Variants in KAT6B observed in about 807,000 individuals in gnomAD.
KAT6B encodes histone acetyltransferase KAT6B.
In KAT6B, 10 loss-of-function variants were observed where a neutral mutation model predicts 187.5. The ratio of observed to expected loss-of-function variants is 0.05; its 90% CI spans 0.03 to 0.09. The LOEUF is 0.09. Ranked by LOEUF, KAT6B falls within the 10% of genes least tolerant of loss-of-function variation. The pLI is 1.00. For synonymous variants in KAT6B, 861 were observed against 926.8 expected (o/e 0.93, Z 1.29); for missense variants, 1,952 against 2,558.9 (o/e 0.76, Z 5.12).
At chr10:74,957,866 G>A (rs1333981563) in intron 3 of KAT6B, among the ~76,000 whole-genome samples, 2 of 152,196 alleles carry the variant, frequency 1.3e-5, no homozygotes, top group Non-Finnish European at 1.5e-5. Context: ...ATGCAGTGCT[G>A]ATTATCTGGC....
chr10:74,892,901 G>C (rs1167727203), intron 3 of KAT6B, among the ~76,000 whole-genome samples: 1 of 152,206 alleles, frequency 6.6e-6, no homozygotes, highest in African/African-American at 2.4e-5. Flanking sequence ...CCCCCATGTG[G>C]CTGGAGCTGC....
upstream of KAT6B, among the ~76,000 whole-genome samples, chr10:74,825,290 T>G (rs1317897883): frequency 6.6e-6 from 1 of 151,434 alleles, no homozygotes; most frequent in Non-Finnish European, 1.5e-5. The surrounding 1 kb of genome is among the most constrained non-coding windows in gnomAD (Gnocchi z 5.0). Context: ...GGCGTCCCCA[T>G]CCTCCCGCGG....
chr10:74,977,474 AG>A (rs752054101), intron 9 of KAT6B, 37 bp downstream of exon 9: 1 of 1,610,716 alleles, frequency 6.2e-7, no homozygotes, highest in Non-Finnish European at 8.5e-7. Flanking sequence ...AGCAAGTATA[AG>A]ATGTGGCTTC....
At chr10:74,920,154 A>G (rs1174426818) in intron 3 of KAT6B, among the ~76,000 whole-genome samples, 8 of 152,190 alleles carry the variant, frequency 5.3e-5, no homozygotes, top group Admixed American at 2.0e-4. Flanking sequence ...GAATTTTCAT[A>G]TGCTTCTGCC....
rs771163026 is a variant in KAT6B, at chr10:74,837,914, C to T, written c.-328-769C>T. 2.1e-4 allele frequency among the ~76,000 whole-genome samples: 31 copies of T among 149,296 alleles called. 1 individual carries two copies. Among genetic ancestry groups the T allele is most frequent in the Non-Finnish European group, 3.7e-4 (25 of 67,674 alleles). On this transcript the variant is annotated intron_variant, in intron 1 of 17. Coordinates refer to ENST00000287239, the MANE Select transcript of KAT6B (RefSeq NM_012330.4). The stretch of plus-strand genomic sequence containing the variant: ...AAGAGCTGCTGAGTTACATCTGCTT[C>T]TGCCTAATTAACTCTGTTGGTTGGT...
rs376504999 is a variant in KAT6B at position 75,026,857 on chromosome 10, C to T, written c.3664+1608C>T. Among the ~76,000 whole-genome samples, 16 of 152,232 alleles carry T rather than the reference C, an allele frequency of 1.1e-4. No individual in the cohort carries two copies. In the East Asian group the frequency reaches 2.9e-3, roughly 28 times the overall value. Reference sequence around the variant, plus strand: ...GTAGAATAAGAATGCAGAATCCAGCCAGGCATGGTGGCTCATGCCTGTAAT... The same window carrying T: ...GTAGAATAAGAATGCAGAATCCAGCTAGGCATGGTGGCTCATGCCTGTAAT... On this transcript the variant is annotated intron_variant, in intron 17 of 17. Coordinates refer to ENST00000287239, the MANE Select transcript of KAT6B (RefSeq NM_012330.4).
chr10:75,025,062 C>T lies in KAT6B; in HGVS notation c.3477C>T (p.Pro1159=). 1 of 1,614,214 alleles carries T rather than the reference C, an allele frequency of 6.2e-7. No individual in the cohort carries two copies. Among genetic ancestry groups the T allele is most frequent in the East Asian group, 2.2e-5 (1 of 44,894 alleles). ...ISETTEVLNE[P]FDNSDEERPM... is the part of the protein sequence containing the mutation. ...AGACGACAGAAGTACTGAATGAGCC[C>T]TTTGACAACTCAGATGAAGAGAGGC... is the stretch of plus-strand genomic sequence containing the variant. Residue 1159 remains proline, a synonymous_variant, in exon 17 of 18, where the codon CCC becomes CCT. Transcript: ENST00000287239.
chr10:74,935,414 G>T (rs140134858), intron 3 of KAT6B, among the ~76,000 whole-genome samples: 1 of 150,176 alleles, frequency 6.7e-6, no homozygotes, highest in South Asian at 2.1e-4. Context: ...ACAGAGTCTC[G>T]CTATGATGCC....
rs184509369 is a variant in KAT6B, at chr10:74,910,755, G to A, written c.622-49215G>A. Among the ~76,000 whole-genome samples the A allele has an allele frequency of 3.9e-5, 6 of 152,078 alleles. No individual in the cohort carries two copies. The East Asian group carries it at 1.2e-3, about 29-fold the overall frequency. On this transcript the variant is annotated intron_variant, in intron 3 of 17. Transcript: ENST00000287239. ...TTTGAGAGGAAGTTTGTCAAGTACTGGAAACTTGAACTTGTATAAAACAGA... is the reference window on the plus strand; with the variant it reads ...TTTGAGAGGAAGTTTGTCAAGTACTAGAAACTTGAACTTGTATAAAACAGA...
chr10:74,923,336 G>A (rs957391344), intron 3 of KAT6B, among the ~76,000 whole-genome samples: 1 of 152,126 alleles, frequency 6.6e-6, no homozygotes, highest in Non-Finnish European at 1.5e-5. Flanking sequence ...GTAGGCACTG[G>A]GGACACAGCA....
chr10:74,859,050 C>T (rs12219303), intron 3 of KAT6B, among the ~76,000 whole-genome samples: 22,840 of 151,576 alleles, frequency 0.15, 2,842 homozygotes, highest in African/African-American at 0.33. Flanking sequence ...GATGATATTT[C>T]AAAGACTAAG....
chr10:75,031,276 A>G lies in KAT6B; in HGVS notation c.*230A>G, dbSNP rs12263058. 1,181 of 537,310 alleles carry G rather than the reference A, an allele frequency of 2.2e-3. 7 individuals carry two copies. The highest frequency in any genetic ancestry group is 0.021 in the African/African-American group (1,109 of 52,030). The allele number at this position is 537,310 out of a possible 1,614,324, so 33.3% of individuals were successfully genotyped here. ...TGGTACCTTCATTTCTGTTACTTTTATATAAAATTCTCTGCAAAGGAAGGC... is the reference window on the plus strand; with the variant it reads ...TGGTACCTTCATTTCTGTTACTTTTGTATAAAATTCTCTGCAAAGGAAGGC... On this transcript the variant is annotated 3_prime_UTR_variant, in exon 18 of 18. Transcript: ENST00000287239.
Position 75,019,293 on chromosome 10 carries a change from G to A in KAT6B, c.2630-1289G>A, listed in dbSNP as rs150478081. On this transcript the variant is annotated intron_variant, in intron 13 of 17. Transcript: ENST00000287239. Reference sequence around the variant, plus strand: ...TAAATTTACGCCTATTCTTCATAATGGCATTCAGATTAAAGCCATCAAAAT... The same window carrying A: ...TAAATTTACGCCTATTCTTCATAATAGCATTCAGATTAAAGCCATCAAAAT... 4.6e-3 allele frequency among the ~76,000 whole-genome samples: 707 copies of A among 152,276 alleles called. 4 individuals carry two copies. Among genetic ancestry groups the A allele is most frequent in the African/African-American group, 0.016 (678 of 41,544 alleles).
At chr10:74,873,929 A>C (rs1290724515) in intron 3 of KAT6B, among the ~76,000 whole-genome samples, 1 of 152,210 alleles carries the variant, frequency 6.6e-6, no homozygotes, top group Non-Finnish European at 1.5e-5. Context: ...CTCTACCCAG[A>C]AAACCAAAAT....
At chr10:74,829,887 G>A (rs1458954410) in intron 1 of KAT6B, among the ~76,000 whole-genome samples, 2 of 151,386 alleles carry the variant, frequency 1.3e-5, no homozygotes, top group African/African-American at 2.4e-5. Flanking sequence ...GCATGGTGGC[G>A]GGCGCCTGTA....
chr10:74,924,052 A>G (rs1236461355), intron 3 of KAT6B, among the ~76,000 whole-genome samples: 1 of 152,218 alleles, frequency 6.6e-6, no homozygotes, highest in African/African-American at 2.4e-5. Flanking sequence ...AGTGTTAGAA[A>G]AAGAGAAGAC....
At chr10:74,866,136 A>G (rs960574259) in intron 3 of KAT6B, among the ~76,000 whole-genome samples, 6 of 152,052 alleles carry the variant, frequency 3.9e-5, no homozygotes, top group African/African-American at 1.4e-4. Flanking sequence ...ACAATATTAA[A>G]AAATTACTTA....
chr10:75,027,470 A>G (rs535628763), intron 17 of KAT6B, among the ~76,000 whole-genome samples: 1 of 152,300 alleles, frequency 6.6e-6, no homozygotes, highest in South Asian at 2.1e-4. Flanking sequence ...TAGAGTTTCT[A>G]ATAAGACTAT....
At position 75,021,997 on chromosome 10, in the gene KAT6B, G is replaced by T; in HGVS notation, c.3138G>T (p.Leu1046Phe). The change falls in exon 16 of 18, where the codon TTG (leucine) becomes TTT (phenylalanine). Residue 1046 changes from leucine to phenylalanine, a missense_variant. By Grantham distance (22) the Leu-to-Phe change is conservative. Coordinates refer to ENST00000287239, the MANE Select transcript of KAT6B (RefSeq NM_012330.4). The part of the protein sequence containing the change: ...PAKVQSKNKY[L>F]HSPESRPVTG... ...AAGTACAATCGAAAAATAAATATTT[G>T]CATTCCCCGGAGAGCCGGCCAGTCA... 1 of 1,614,114 alleles carries T rather than the reference G, an allele frequency of 6.2e-7. No homozygotes were observed. The highest frequency in any genetic ancestry group is 8.5e-7 in the Non-Finnish European group (1 of 1,180,026).
Sources: allele counts gnomAD v4.1 joint callset (sites outside exome capture counted in the v4.1 genomes callset), GRCh38; gene constraint gnomAD v4.1.1; non-coding constraint Gnocchi (gnomAD v3.1); transcripts MANE v1.5; gene names NCBI Gene and HGNC (gene_info 2026-07-23, HGNC 2026-07-21).